Variants in DRC1 observed in about 807,000 individuals in gnomAD.
DRC1 encodes the protein dynein regulatory complex protein 1.
In DRC1, 74 loss-of-function variants were observed where a neutral mutation model predicts 98.7. The observed-to-expected ratio is 0.75, with a 90% confidence interval of 0.62 to 0.91. The LOEUF (loss-of-function observed/expected upper bound fraction) is 0.91. Ranked by LOEUF, DRC1 falls within the 40% of genes least tolerant of loss-of-function variation. The pLI is 0.00. For missense variants in DRC1, 875 were observed against 886.0 expected (o/e 0.99, Z 0.16); for synonymous variants, 336 against 334.1 (o/e 1.01, Z -0.06).
intron 2 of DRC1, among the ~76,000 whole-genome samples, chr2:26,415,432 T>C (rs1678765829): frequency 6.6e-6 from 1 of 152,070 alleles, no homozygotes; most frequent in Admixed American, 6.6e-5. Flanking sequence ...TCATTTCTGG[T>C]GAGAAAAAAT....
At chr2:26,421,557 C>CTTTT (rs397873833) in intron 3 of DRC1, among the ~76,000 whole-genome samples, 157 bp downstream of exon 3, 12 of 120,124 alleles carry the variant, frequency 1.0e-4, no homozygotes, top group Non-Finnish European at 1.6e-4. Flanking sequence ...CTTTCTCTCT[C>CTTTT]TTTTTTTTTT....
intron 1 of DRC1, among the ~76,000 whole-genome samples, chr2:26,408,942 A>T (rs938744951): frequency 1.3e-4 from 20 of 151,840 alleles, no homozygotes; most frequent in South Asian, 4.1e-4. Flanking sequence ...TTATTTATTT[A>T]TTTTTTAAGC....
chr2:26,429,790 T>G, intron 5 of DRC1, 25 bp downstream of exon 5: 1 of 1,612,338 alleles, frequency 6.2e-7, no homozygotes, highest in Non-Finnish European at 8.5e-7. Flanking sequence ...AAAGACCTGG[T>G]TTCTGCTCTT....
At position 26,456,529 on chromosome 2, in the gene DRC1, A is replaced by G; in HGVS notation, c.*12A>G. 6.2e-7 allele frequency: 1 copy of G among 1,614,128 alleles called. No individual in the cohort carries two copies. The highest frequency in any genetic ancestry group is 1.7e-4 in the Middle Eastern group (1 of 6,058). Reference sequence around the variant, plus strand: ...TACCCACAAAATGAGCTGGACCGCCAAAGGCTGATGTGTTAGGGCTGGCCT... The same window carrying G: ...TACCCACAAAATGAGCTGGACCGCCGAAGGCTGATGTGTTAGGGCTGGCCT... On this transcript the variant is annotated 3_prime_UTR_variant, in exon 17 of 17. Transcript: ENST00000288710.
At chr2:26,409,298 A>T (rs1369432799) in intron 1 of DRC1, among the ~76,000 whole-genome samples, 3 of 152,174 alleles carry the variant, frequency 2.0e-5, no homozygotes, top group African/African-American at 7.2e-5. Flanking sequence ...TTTCTGCTTT[A>T]TCCTGACACC....
intron 5 of DRC1, chr2:26,430,524 C>G (rs993529206): frequency 1.8e-6 from 1 of 558,054 alleles, no homozygotes; most frequent in African/African-American, 1.9e-5. Context: ...CCTCCAGTTC[C>G]CTGCCTCTGA....
chr2:26,456,566 C>T lies in DRC1; in HGVS notation c.*49C>T, dbSNP rs758409236. On this transcript the variant is annotated 3_prime_UTR_variant, in exon 17 of 17. Transcript: ENST00000288710. ...GTTAGGGCTGGCCTGATGCTGGTGT[C>T]TGTGCCGGAGCCAGCTCATATCACC... 8.7e-6 allele frequency: 14 copies of T among 1,609,810 alleles called. No homozygotes were observed. The highest frequency in any genetic ancestry group is 2.2e-5 in the South Asian group (2 of 90,838).
intron 6 of DRC1, among the ~76,000 whole-genome samples, chr2:26,431,522 T>G (rs953200182): frequency 6.6e-6 from 1 of 152,200 alleles, no homozygotes; most frequent in Non-Finnish European, 1.5e-5. Context: ...TTCAGAGTTG[T>G]GAAGAACAAA....
chr2:26,441,561 T>C (rs993053757), intron 8 of DRC1, among the ~76,000 whole-genome samples: 1 of 151,276 alleles, frequency 6.6e-6, no homozygotes, highest in African/African-American at 2.4e-5. Flanking sequence ...TGGGAAAGCT[T>C]CCCAAAGAAG....
intron 1 of DRC1, among the ~76,000 whole-genome samples, chr2:26,408,720 G>A (rs763011116): frequency 1.6e-4 from 25 of 152,012 alleles, no homozygotes; most frequent in African/African-American, 3.9e-4. Flanking sequence ...GCAGTGAGCC[G>A]AGATCGTGCC....
At chr2:26,402,534 C>T (rs1038375636) in intron 1 of DRC1, among the ~76,000 whole-genome samples, 10 of 152,184 alleles carry the variant, frequency 6.6e-5, no homozygotes, top group African/African-American at 2.2e-4. Flanking sequence ...GGCCTGGGTC[C>T]TTTCTTGTTC....
chr2:26,431,775 C>G (rs1004516500), intron 6 of DRC1, 109 bp from the exon 7 acceptor site: 27 of 1,516,064 alleles, frequency 1.8e-5, no homozygotes, highest in Non-Finnish European at 2.4e-5. Context: ...CCCTGTGGAG[C>G]CATGAAACTT....
chr2:26,418,138 T>C (rs1390787622), intron 2 of DRC1, among the ~76,000 whole-genome samples: 1 of 152,080 alleles, frequency 6.6e-6, no homozygotes, highest in Admixed American at 6.6e-5. Context: ...AAACCCCCAT[T>C]GTCCCCTCTA....
intron 8 of DRC1, among the ~76,000 whole-genome samples, chr2:26,441,871 A>G (rs1462633246): frequency 3.3e-5 from 5 of 152,220 alleles, no homozygotes; most frequent in Non-Finnish European, 7.3e-5. Context: ...TCTAAGCACC[A>G]TCTTTTCGTC....
At position 26,421,878 on chromosome 2, in the gene DRC1, C is replaced by A. The variant is rs537834242; in HGVS notation, c.356+478C>A. Among the ~76,000 whole-genome samples, 6 of 152,156 alleles carry A rather than the reference C, an allele frequency of 3.9e-5. No homozygotes were observed. In the South Asian group the frequency reaches 1.2e-3, roughly 32 times the overall value. On this transcript the variant is annotated intron_variant, in intron 3 of 16. Transcript: ENST00000288710. ...CCCGGCTATCTCATCTCTTTTCTTT[C>A]CTCCCCTCCTCAAGCACTACATTGC... is the stretch of plus-strand genomic sequence containing the variant.
rs59636742 is a variant in DRC1, at chr2:26,440,345, G to GTA, written c.889-18_889-17dup. The GTA allele has an allele frequency of 3.0e-3, 3,956 of 1,317,448 alleles. 35 individuals carry two copies. In the African/African-American group the frequency reaches 0.038, roughly 13 times the overall value. 81.6% of individuals were successfully genotyped at this position (1,317,448 alleles called of 1,614,324 possible). On this transcript the variant is annotated intron_variant, in intron 7 of 16. Coordinates refer to ENST00000288710, the MANE Select transcript of DRC1 (RefSeq NM_145038.5). The stretch of plus-strand genomic sequence containing the variant: ...TGTGTGTGTGTGTGTGTGTGTGTGT[G>GTA]TATATATATATATATAGTTTTTTTA...
At position 26,444,331 on chromosome 2, in the gene DRC1, T is replaced by C. The variant is rs1474285593; in HGVS notation, c.1138T>C (p.Phe380Leu). 1 of 1,614,146 alleles carries C rather than the reference T, an allele frequency of 6.2e-7. No individual in the cohort carries two copies. Among genetic ancestry groups the C allele is most frequent in the East Asian group, 2.2e-5 (1 of 44,888 alleles). ...GGACTACAAACGTCTTGTGATGCAA[T>C]TCAAGGAGCTACAGAAAGCCATGAG... Reference protein sequence around the residue: ...TSDYKRLVMQFKELQKAMRHF... With the variant: ...TSDYKRLVMQLKELQKAMRHF... The change falls in exon 9 of 17, where the codon TTC becomes CTC. Residue 380 changes from phenylalanine (F) to leucine (L), a missense_variant. Coordinates refer to ENST00000288710, the MANE Select transcript of DRC1 (RefSeq NM_145038.5).
At chr2:26,426,874 T>C (rs1313836910) in intron 4 of DRC1, among the ~76,000 whole-genome samples, 3 of 152,180 alleles carry the variant, frequency 2.0e-5, no homozygotes, top group South Asian at 2.1e-4. Flanking sequence ...TTTTTAACAA[T>C]ATTGAGTCAT....
In DRC1 at chr2:26,429,870, C is replaced by T. The variant is rs545772187; in HGVS notation, c.678+105C>T. ...GGAGGGCCCTACATGACTTCTCTGT[C>T]CGCTGATTTCTGTTTCTGCTCTCAG... On this transcript the variant is annotated intron_variant, in intron 5 of 16. Transcript: ENST00000288710. 1.3e-5 allele frequency: 16 copies of T among 1,221,904 alleles called. No homozygotes were observed. In the South Asian group the frequency reaches 2.4e-4, roughly 18 times the overall value. 75.7% of individuals were successfully genotyped at this position (1,221,904 alleles called of 1,614,324 possible).
Sources: gnomAD v4.1 joint callset for allele counts (sites outside exome capture counted in the v4.1 genomes callset) on GRCh38, gnomAD v4.1.1 for gene constraint, MANE v1.5 for transcripts, NCBI Gene and HGNC (gene_info 2026-07-23, HGNC 2026-07-21) for gene names.